The following ROBO2 variants were observed in gnomAD, a reference collection of about 807,000 sequenced individuals.
ROBO2 encodes the protein roundabout guidance receptor 2.
ROBO2 carries 53 observed loss-of-function variants against 160.8 expected under a neutral mutation model. The observed-to-expected ratio is 0.33, with a 90% confidence interval of 0.26 to 0.41. The LOEUF (loss-of-function observed/expected upper bound fraction) is 0.41, where lower values mean the gene tolerates loss of function less well. ROBO2 is among the 10% of genes least tolerant of loss of function. The pLI is 1.00. For synonymous variants in ROBO2, 664 were observed against 611.7 expected, an observed-to-expected ratio of 1.09 and a Z score of -1.26; for missense variants, 1,577 against 1,722.4, an observed-to-expected ratio of 0.92 and a Z score of 1.49.
chr3:76,386,769 A>G (rs989611853), intron 2 of ROBO2, among the ~76,000 whole-genome samples: 3 of 152,138 alleles, frequency 2.0e-5, no homozygotes, highest in Non-Finnish European at 2.9e-5. Flanking sequence ...GGCGTATACT[A>G]TCACTTCTCA....
intron 2 of ROBO2, among the ~76,000 whole-genome samples, chr3:75,950,043 T>A (rs1948477398): frequency 6.6e-6 from 1 of 151,572 alleles, no homozygotes; most frequent in Admixed American, 6.6e-5. Context: ...TGTGTGAGTG[T>A]GCATATCACC....
chr3:77,513,965 T>C (rs2089711708), intron 5 of ROBO2, among the ~76,000 whole-genome samples: 1 of 151,844 alleles, frequency 6.6e-6, no homozygotes, highest in African/African-American at 2.4e-5. Flanking sequence ...ACTGCATTTA[T>C]TTAAGTCAAA....
intron 2 of ROBO2, among the ~76,000 whole-genome samples, chr3:76,534,281 T>C (rs912330877): frequency 6.6e-6 from 1 of 152,128 alleles, no homozygotes; most frequent in Non-Finnish European, 1.5e-5. Context: ...ATTTTTGAGC[T>C]TGGAACTGCC....
At chr3:77,543,712 T>C (rs1403598072) in intron 6 of ROBO2, among the ~76,000 whole-genome samples, 1 of 152,196 alleles carries the variant, frequency 6.6e-6, no homozygotes, top group Non-Finnish European at 1.5e-5. Flanking sequence ...TTTCATTTGA[T>C]GATTTCAATC....
chr3:77,451,369 A>G (rs1477673315), intron 2 of ROBO2, among the ~76,000 whole-genome samples: 2 of 152,044 alleles, frequency 1.3e-5, no homozygotes, highest in Non-Finnish European at 2.9e-5. Context: ...TCCCATTCTA[A>G]AATTATTATG....
chr3:76,147,230 C>A (rs2071945856), intron 2 of ROBO2, among the ~76,000 whole-genome samples: 1 of 151,508 alleles, frequency 6.6e-6, no homozygotes, highest in South Asian at 2.1e-4. Context: ...TTGTAATAAA[C>A]CATGTATCTA....
At chr3:77,422,578 A>G (rs1173743897) in intron 2 of ROBO2, among the ~76,000 whole-genome samples, 2 of 152,196 alleles carry the variant, frequency 1.3e-5, no homozygotes, top group African/African-American at 4.8e-5. Context: ...CCACAGATTC[A>G]TTCAAATAGA....
chr3:76,306,193 T>G (rs1325417922), intron 2 of ROBO2, among the ~76,000 whole-genome samples: 1 of 152,182 alleles, frequency 6.6e-6, no homozygotes, highest in African/African-American at 2.4e-5. Flanking sequence ...CCTCATCTAA[T>G]GAAGTGAGTA....
intron 2 of ROBO2, among the ~76,000 whole-genome samples, chr3:77,109,147 G>A (rs1057358283): frequency 6.6e-6 from 1 of 152,200 alleles, no homozygotes; most frequent in East Asian, 1.9e-4. Context: ...TTCAAGTGAA[G>A]ATTTAAATTT....
intron 2 of ROBO2, among the ~76,000 whole-genome samples, chr3:76,696,189 A>G (rs1463944820): frequency 6.6e-6 from 1 of 152,150 alleles, no homozygotes; most frequent in Non-Finnish European, 1.5e-5. Context: ...CAGAATTGTA[A>G]TGGAGCAGGA....
At chr3:77,292,332 C>T (rs1327266505) in intron 2 of ROBO2, among the ~76,000 whole-genome samples, 1 of 150,524 alleles carries the variant, frequency 6.6e-6, no homozygotes, top group Non-Finnish European at 1.5e-5. Flanking sequence ...GAGGCTGGAA[C>T]AGTAAAGACA....
At chr3:77,282,375 A>G (rs1206721043) in intron 2 of ROBO2, among the ~76,000 whole-genome samples, 6 of 152,254 alleles carry the variant, frequency 3.9e-5, no homozygotes, top group African/African-American at 1.2e-4. Flanking sequence ...ATGGTAGCTG[A>G]CAGGTACTGC....
At position 76,722,911 on chromosome 3, in the gene ROBO2, C is replaced by A. The variant is rs574929053; in HGVS notation, c.110-375103C>A. On this transcript the variant is annotated intron_variant, in intron 2 of 26. Transcript: ENST00000487694. ...TAATAAAGCTGCTATGAACATTAGACAAAATGCTTTTCAAATTTAAGGTAC... is the reference window on the plus strand; with the variant it reads ...TAATAAAGCTGCTATGAACATTAGAAAAAATGCTTTTCAAATTTAAGGTAC... Among the ~76,000 whole-genome samples the A allele has an allele frequency of 3.9e-5, 6 of 152,222 alleles. No homozygotes were observed. In the South Asian group the frequency reaches 1.0e-3, roughly 26 times the overall value.
intron 2 of ROBO2, among the ~76,000 whole-genome samples, chr3:76,892,692 A>G (rs896949838): frequency 1.3e-4 from 20 of 152,332 alleles, no homozygotes; most frequent in Middle Eastern, 3.4e-3. Flanking sequence ...CTTCACCTGA[A>G]TAGTTGGAGA....
chr3:77,251,021 TTTCTCAGGCTGCAGTTGCAATCTAG>T (rs1278727652), intron 2 of ROBO2, among the ~76,000 whole-genome samples: 1 of 152,134 alleles, frequency 6.6e-6, no homozygotes, highest in Non-Finnish European at 1.5e-5. Context: ...TGTCTGCAGC[TTTCTCAGGCTGCAGTTGCAATCTAG>T]TGGCCCTGCA....
chr3:76,751,377 C>T (rs1339112670), intron 2 of ROBO2, among the ~76,000 whole-genome samples: 2 of 152,074 alleles, frequency 1.3e-5, no homozygotes, highest in Non-Finnish European at 2.9e-5. Context: ...CAATACCATT[C>T]AGGACATAGG....
intron 2 of ROBO2, among the ~76,000 whole-genome samples, chr3:75,943,249 A>C (rs147512961): frequency 1.3e-5 from 2 of 152,162 alleles, no homozygotes; most frequent in South Asian, 4.2e-4. Context: ...GTAACAAAAA[A>C]ATCTTACTAT....
In ROBO2 at chr3:76,272,747, A is replaced by C. The variant is rs551410843; in HGVS notation, c.109+335145A>C. Among the ~76,000 whole-genome samples, 94 of 54,252 alleles carry C rather than the reference A, an allele frequency of 1.7e-3. 6 individuals are homozygous for C. Among genetic ancestry groups the C allele is most frequent in the Middle Eastern group, 0.01 (1 of 96 alleles). 35.6% of individuals were successfully genotyped at this position (54,252 alleles called of 152,430 possible). On this transcript the variant is annotated intron_variant, in intron 2 of 26. Coordinates refer to the ROBO2 transcript ENST00000487694. ...ACACATATAAATATATATATTCTCT[A>C]TATATAAATATATAATATATATTTA... is the stretch of plus-strand genomic sequence containing the variant.
intron 2 of ROBO2, among the ~76,000 whole-genome samples, chr3:77,237,984 A>G (rs1024294550): frequency 6.6e-6 from 1 of 152,196 alleles, no homozygotes; most frequent in Admixed American, 6.5e-5. Context: ...TTACCTGACG[A>G]CATATGATAT....
Sources: gnomAD v4.1 joint callset for allele counts (sites outside exome capture counted in the v4.1 genomes callset) on GRCh38, gnomAD v4.1.1 for gene constraint, MANE v1.5 for transcripts, NCBI Gene and HGNC (gene_info 2026-07-23, HGNC 2026-07-21) for gene names.